The following CHD5 variants were observed in gnomAD, a reference collection of about 807,000 sequenced individuals.
The protein encoded by CHD5 is chromodomain helicase DNA binding protein 5.
Under a neutral mutation model 230.3 loss-of-function variants are expected in CHD5, and 69 were observed. The ratio of observed to expected loss-of-function variants is 0.30; its 90% confidence interval spans 0.25 to 0.37. The LOEUF (loss-of-function observed/expected upper bound fraction) is 0.37, where lower values mean the gene tolerates loss of function less well. CHD5 is among the 10% of genes least tolerant of loss of function. The pLI is 1.00. For missense variants in CHD5, 1,827 were observed against 2,622.8 expected (o/e 0.70, Z 6.63); for synonymous variants, 1,064 against 1,065.9 (o/e 1.00, Z 0.03).
At chr1:6,123,531 A>G (rs1054883284) in intron 31 of CHD5, among the ~76,000 whole-genome samples, 1 of 151,720 alleles carries the variant, frequency 6.6e-6, no homozygotes, top group African/African-American at 2.4e-5. Flanking sequence ...GGTTCAAGCG[A>G]TTCTCCTGCC....
At chr1:6,115,910 G>A (rs1357391124) in intron 33 of CHD5, among the ~76,000 whole-genome samples, 2 of 152,138 alleles carry the variant, frequency 1.3e-5, no homozygotes, top group Admixed American at 1.3e-4. Context: ...TAATACAACT[G>A]GGAAGGTTTT....
Position 6,155,772 on chromosome 1 carries a change from C to A in CHD5, c.388-55G>T. The A allele has an allele frequency of 1.4e-6, 2 of 1,390,858 alleles. No individual in the cohort carries two copies. The highest frequency in any genetic ancestry group is 2.3e-5 in the South Asian group (2 of 86,280). 86.2% of individuals were successfully genotyped at this position (1,390,858 alleles called of 1,614,324 possible). A position where few individuals can be genotyped will look rare whatever the true frequency, so the allele number is the denominator to read the frequency against. ...GTTGAGGGGCCTTCTGACCTGCACC[C>A]CCATCCCCAGGGTCTCTGCCTAGGA... On this transcript the variant is annotated intron_variant, in intron 3 of 41. Coordinates refer to ENST00000262450, the MANE Select transcript of CHD5 (RefSeq NM_015557.3). The surrounding 1 kb of genome is among the most constrained non-coding windows in gnomAD (Gnocchi z 4.0).
Position 6,121,718 on chromosome 1 carries a change from G to T in CHD5, c.4700-145C>A. On this transcript the variant is annotated intron_variant, in intron 31 of 41. Transcript: ENST00000262450. The surrounding 1 kb of genome is among the most constrained non-coding windows in gnomAD (Gnocchi z 4.5). ...AAGCACCTCCAGGAGAGACAAGCAG[G>T]ATCCCCGGCTAAGTCAGAGAGGCCA... 1.6e-6 allele frequency: 1 copy of T among 616,530 alleles called. No homozygotes were observed. 38.2% of individuals were successfully genotyped at this position (616,530 alleles called of 1,614,324 possible).
Position 6,177,508 on chromosome 1 carries a change from C to T in CHD5, c.79+2437G>A, listed in dbSNP as rs115609446. Among the ~76,000 whole-genome samples the T allele has an allele frequency of 7.3e-3, 1,111 of 152,284 alleles. 17 individuals carry two copies. The highest frequency in any genetic ancestry group is 0.026 in the African/African-American group (1,060 of 41,566). On this transcript the variant is annotated intron_variant, in intron 1 of 41. Transcript: ENST00000262450. ...CAGGAGGAAACTGATGACAACGTTT[C>T]GAGTATGTGAGGTGTGGTGACACAA...
chr1:6,125,432 T>G lies in CHD5; in HGVS notation c.4260+92A>C. ...GTCCAAGCTCCGCCTCTACCTGGCA[T>G]GAGACCCGGGGCAGTCCCCCAGCCC... On this transcript the variant is annotated intron_variant, in intron 28 of 41. Transcript: ENST00000262450. This position sits in a 1 kb window ranked among gnomAD's most constrained non-coding sequence, Gnocchi z 6.7. The G allele has an allele frequency of 1.3e-5, 18 of 1,396,732 alleles. No homozygotes were observed. The highest frequency in any genetic ancestry group is 2.6e-5 in the South Asian group (2 of 77,330). The allele number at this position is 1,396,732 out of a possible 1,614,324, so 86.5% of individuals were successfully genotyped here.
Position 6,142,208 on chromosome 1 carries a change from T to C in CHD5, c.2356A>G (p.Ser786Gly). ...TCGTTCTCCCGAATCACCGAGCGGC[T>C]CTCCTTGTCCCCCGTGTAGGTGACC... The part of the protein sequence containing the change: ...YVVTYTGDKE[S>G]RSVIRENEFS... The change falls in exon 15 of 42, where the codon AGC (serine) becomes GGC (glycine). Residue 786 changes from serine (S) to glycine (G), a missense_variant. This residue lies in a region of CHD5 where 80 missense variants were observed against 96.4 expected (regional missense o/e 0.83). Coordinates refer to ENST00000262450, the MANE Select transcript of CHD5 (RefSeq NM_015557.3). This position sits in a 1 kb window ranked among gnomAD's most constrained non-coding sequence, Gnocchi z 5.2. 1 of 1,614,172 alleles carries C rather than the reference T, an allele frequency of 6.2e-7. No homozygotes were observed. Among genetic ancestry groups the C allele is most frequent in the East Asian group, 2.2e-5 (1 of 44,882 alleles).
chr1:6,112,089 G>C, intron 35 of CHD5, 51 bp downstream of exon 35: 2 of 1,593,550 alleles, frequency 1.3e-6, no homozygotes, highest in Non-Finnish European at 1.7e-6. Context: ...AGACTCCTGG[G>C]ACCCACAGTC....
intron 36 of CHD5, 70 bp downstream of exon 36, chr1:6,111,705 C>A: frequency 8.0e-7 from 1 of 1,245,380 alleles, no homozygotes; most frequent in Non-Finnish European, 1.2e-6. Context: ...CCGGAGCTCT[C>A]AGAGGGCTCT....
chr1:6,134,014 TG>T lies in CHD5; in HGVS notation c.3144+113del. On this transcript the variant is annotated intron_variant, in intron 20 of 41. Transcript: ENST00000262450. The surrounding 1 kb of genome is among the most constrained non-coding windows in gnomAD (Gnocchi z 6.3). ...CTGACACACAGTCACATGACCCACA[TG>T]GGAACGGCACTGGGCCCTGAGGGGT... The T allele has an allele frequency of 9.8e-7, 1 of 1,016,832 alleles. No homozygotes were observed. The highest frequency in any genetic ancestry group is 1.4e-6 in the Non-Finnish European group (1 of 693,572). The allele number at this position is 1,016,832 out of a possible 1,614,324, so 63.0% of individuals were successfully genotyped here. A position where few individuals can be genotyped will look rare whatever the true frequency, so the allele number is the denominator to read the frequency against.
At position 6,134,400 on chromosome 1, in the gene CHD5, G is replaced by A. The variant is rs550946925; in HGVS notation, c.3013-141C>T. ...CCCACTGAACATGAGACCCACACCC[G>A]AGCCAGGCCAGGCCCCACAGTGCGG... On this transcript the variant is annotated intron_variant, in intron 19 of 41. Transcript: ENST00000262450. The surrounding 1 kb of genome is among the most constrained non-coding windows in gnomAD (Gnocchi z 6.3). 2.4e-4 allele frequency: 262 copies of A among 1,096,076 alleles called. No homozygotes were observed. The highest frequency in any genetic ancestry group is 3.1e-4 in the Non-Finnish European group (233 of 760,218). The allele number at this position is 1,096,076 out of a possible 1,614,324, so 67.9% of individuals were successfully genotyped here.
chr1:6,155,714 G>T lies in CHD5; in HGVS notation c.391C>A (p.Pro131Thr). ...DDNDDGCLKE[P>T]KSSGQLMAEW... ...GCCATGAGCTGCCCCGAGGACTTGGGCTCCTACAGAGACCCAGGCCAGAGG... is the reference window on the plus strand; with the variant it reads ...GCCATGAGCTGCCCCGAGGACTTGGTCTCCTACAGAGACCCAGGCCAGAGG... The change falls in exon 4 of 42, where the codon CCC (proline) becomes ACC (threonine). Residue 131 changes from proline to threonine, a missense_variant. Physicochemically the swap from Pro to Thr is conservative, Grantham distance 38. This residue lies in a region of CHD5 where 657 missense variants were observed against 816.4 expected (regional missense o/e 0.80). Coordinates refer to ENST00000262450, the MANE Select transcript of CHD5 (RefSeq NM_015557.3). This position sits in a 1 kb window ranked among gnomAD's most constrained non-coding sequence, Gnocchi z 4.0. The T allele has an allele frequency of 6.2e-7, 1 of 1,613,568 alleles. No homozygotes were observed. The highest frequency in any genetic ancestry group is 8.5e-7 in the Non-Finnish European group (1 of 1,179,620).
intron 38 of CHD5, among the ~76,000 whole-genome samples, chr1:6,109,174 G>A (rs1240858252): frequency 6.6e-6 from 1 of 152,054 alleles, no homozygotes; most frequent in Non-Finnish European, 1.5e-5. Context: ...CTGACGCTGG[G>A]CTTCCCTCCT....
At position 6,142,995 on chromosome 1, in the gene CHD5, G is replaced by A. The variant is rs1399128943; in HGVS notation, c.2044-390C>T. On this transcript the variant is annotated intron_variant, in intron 13 of 41. Coordinates refer to ENST00000262450, the MANE Select transcript of CHD5 (RefSeq NM_015557.3). This position sits in a 1 kb window ranked among gnomAD's most constrained non-coding sequence, Gnocchi z 5.2. ...CCATTTTTTGGATGAACAACAAAAC[G>A]AACATCCATCTGGGGCATTCGCAAC... Among the ~76,000 whole-genome samples, 5 of 151,992 alleles carry A rather than the reference G, an allele frequency of 3.3e-5. No individual in the cohort carries two copies. The highest frequency in any genetic ancestry group is 6.5e-5 in the Admixed American group (1 of 15,282).
In CHD5 at chr1:6,146,733, C is replaced by G; in HGVS notation, c.1522G>C (p.Glu508Gln). The G allele has an allele frequency of 1.2e-6, 2 of 1,613,188 alleles. No individual in the cohort carries two copies. Among genetic ancestry groups the G allele is most frequent in the Non-Finnish European group, 1.7e-6 (2 of 1,179,650 alleles). ...PPPKPLEGIPEREFFVKWAGL... is the reference protein window; with the variant it reads ...PPPKPLEGIPQREFFVKWAGL... The stretch of plus-strand genomic sequence containing the variant: ...GCCCACTTGACAAAGAACTCTCTCT[C>G]AGGGATGCCCTCCAGGGGCTTAGGT... The change falls in exon 10 of 42, where the codon GAG becomes CAG. Residue 508 changes from glutamate (E) to glutamine (Q), a missense_variant. By Grantham distance (29) the Glu-to-Gln change is conservative. Transcript: ENST00000262450. The surrounding 1 kb of genome is among the most constrained non-coding windows in gnomAD (Gnocchi z 5.1).
chr1:6,160,784 G>C (rs938153587), intron 2 of CHD5, among the ~76,000 whole-genome samples: 40 of 152,198 alleles, frequency 2.6e-4, no homozygotes, highest in African/African-American at 9.7e-4. Flanking sequence ...TTAGTTTCCT[G>C]TCTGTACAGG....
At position 6,102,009 on chromosome 1, in the gene CHD5, G is replaced by A. The variant is rs761582653; in HGVS notation, c.*3465C>T. The A allele has an allele frequency of 2.6e-6, 1 of 391,694 alleles. No homozygotes were observed. The highest frequency in any genetic ancestry group is 1.8e-5 in the South Asian group (1 of 56,732). The allele number at this position is 391,694 out of a possible 1,614,324, so 24.3% of individuals were successfully genotyped here. On this transcript the variant is annotated 3_prime_UTR_variant, in exon 42 of 42. Transcript: ENST00000262450. ...CTGGCGCGCCTTGCACCCAGCCCAG[G>A]GCCCTCCCTTTGCCAGCCTGGGGCT...
intron 2 of CHD5, among the ~76,000 whole-genome samples, chr1:6,162,738 G>A (rs145388416): frequency 1.4e-4 from 21 of 152,338 alleles, no homozygotes; most frequent in Non-Finnish European, 2.6e-4. Context: ...AGCTGGAGGG[G>A]ACACACCAAG....
At chr1:6,141,909 T>C (rs923570386) in intron 15 of CHD5, among the ~76,000 whole-genome samples, 4 of 152,188 alleles carry the variant, frequency 2.6e-5, no homozygotes, top group Admixed American at 2.0e-4. Flanking sequence ...ACCGAATACA[T>C]TTCTGCTGTT....
rs148276714 is a variant in CHD5, at chr1:6,177,618, AG to A, written c.79+2326del. 6.0e-3 allele frequency among the ~76,000 whole-genome samples: 915 copies of A among 152,320 alleles called. 7 individuals carry two copies. Among genetic ancestry groups the A allele is most frequent in the African/African-American group, 0.02 (823 of 41,572 alleles). The stretch of plus-strand genomic sequence containing the variant: ...CAAATCCAGCTTGGGCAACACAGCA[AG>A]ACCCCATCTCTTCCAAAGAAAGCAT... On this transcript the variant is annotated intron_variant, in intron 1 of 41. Coordinates refer to ENST00000262450, the MANE Select transcript of CHD5 (RefSeq NM_015557.3).
Sources: gnomAD v4.1 joint callset for allele counts (sites outside exome capture counted in the v4.1 genomes callset) on GRCh38, gnomAD v4.1.1 for gene constraint, gnomAD v4.1.1 regional missense constraint, Gnocchi (gnomAD v3.1) non-coding constraint, MANE v1.5 for transcripts, NCBI Gene and HGNC (gene_info 2026-07-23, HGNC 2026-07-21) for gene names.